The following ZBED3 variants were observed in gnomAD, a reference collection of about 807,000 sequenced individuals.
ZBED3 encodes the protein zinc finger BED-type containing 3.
For synonymous variants in ZBED3, 175 were observed against 180.0 expected, an observed-to-expected ratio of 0.97 and a Z score of 0.22; for missense variants, 388 against 362.9, an observed-to-expected ratio of 1.07 and a Z score of -0.56.
At position 77,075,969 on chromosome 5, in the gene ZBED3, A is replaced by ATATG. The variant is rs56726880; in HGVS notation, c.*1201_*1204dup. 87 of 20,144 alleles carry ATATG rather than the reference A, an allele frequency of 4.3e-3. 20 individuals are homozygous for ATATG. Among genetic ancestry groups the ATATG allele is most frequent in the East Asian group, 0.028 (36 of 1,278 alleles). 1.2% of individuals were successfully genotyped at this position (20,144 alleles called of 1,614,324 possible). On this transcript the variant is annotated 3_prime_UTR_variant, in exon 3 of 3. Transcript: ENST00000255198. ...CATATATATATATATATATATATGT[A>ATATG]TATGTATATATGTATATATATATGT...
intron 1 of ZBED3, among the ~76,000 whole-genome samples, chr5:77,082,020 A>G (rs1743138242): frequency 6.6e-6 from 1 of 152,104 alleles, no homozygotes; most frequent in Admixed American, 6.5e-5. Flanking sequence ...TAATCCCAAC[A>G]CTTTGGGAGT....
rs1743011133 is a variant in ZBED3 at position 77,076,691 on chromosome 5, T to TC, written c.*482_*483insG. 2.8e-4 allele frequency: 3 copies of TC among 10,648 alleles called. No individual in the cohort carries two copies. Among genetic ancestry groups the TC allele is most frequent in the African/African-American group, 5.7e-4 (3 of 5,260 alleles). The allele number at this position is 10,648 out of a possible 1,614,324, so 0.7% of individuals were successfully genotyped here. ...TGGGCAGATTATGCATTAGGAACTC[T>TC]TTTTTTTTTTTTTTTGGGTAAAAAG... On this transcript the variant is annotated 3_prime_UTR_variant, in exon 3 of 3. Coordinates refer to ENST00000255198, the MANE Select transcript of ZBED3 (RefSeq NM_032367.4).
At chr5:77,079,427 C>A (rs1057021922) in intron 1 of ZBED3, 2 of 152,216 alleles carry the variant, frequency 1.3e-5, no homozygotes, top group African/African-American at 4.8e-5. Context: ...GCTATAGTTA[C>A]AGTAGCATTT....
rs991828541 is a variant in ZBED3, at chr5:77,075,471, A to C, written c.*1703T>G. On this transcript the variant is annotated 3_prime_UTR_variant, in exon 3 of 3. Transcript: ENST00000255198. ...GAAGTTACTGTTTATATTTTTAGGC[A>C]TGATCATCTTAATGTAATCATGTAG... 2.6e-5 allele frequency: 4 copies of C among 152,200 alleles called. No individual in the cohort carries two copies. The highest frequency in any genetic ancestry group is 5.9e-5 in the Non-Finnish European group (4 of 68,038). 9.4% of individuals were successfully genotyped at this position (152,200 alleles called of 1,614,324 possible).
chr5:77,076,001 GTATA>G lies in ZBED3; in HGVS notation c.*1169_*1172del, dbSNP rs367997546. On this transcript the variant is annotated 3_prime_UTR_variant, in exon 3 of 3. Transcript: ENST00000255198. ...TATATGTATATATATATGTATATAT[GTATA>G]TATATATGTATATATGTATATATAT... The G allele has an allele frequency of 0.27, 8,645 of 32,100 alleles. 2,844 individuals are homozygous for G. The highest frequency in any genetic ancestry group is 0.34 in the Non-Finnish European group (5,775 of 17,004). 2.0% of individuals were successfully genotyped at this position (32,100 alleles called of 1,614,324 possible). A position where few individuals can be genotyped will look rare whatever the true frequency, so the allele number is the denominator to read the frequency against.
In ZBED3 at chr5:77,076,183, A is replaced by T. The variant is rs1743000392; in HGVS notation, c.*991T>A. The T allele has an allele frequency of 6.6e-6, 1 of 150,614 alleles. No individual in the cohort carries two copies. The highest frequency in any genetic ancestry group is 2.4e-5 in the African/African-American group (1 of 40,848). The allele number at this position is 150,614 out of a possible 1,614,324, so 9.3% of individuals were successfully genotyped here. Reference sequence around the variant, plus strand: ...GGGTTAAGTCTTTCTTTTCAGTAAGAAAGGGAGACTGCACATTGCTGAGGA... The same window carrying T: ...GGGTTAAGTCTTTCTTTTCAGTAAGTAAGGGAGACTGCACATTGCTGAGGA... On this transcript the variant is annotated 3_prime_UTR_variant, in exon 3 of 3. Transcript: ENST00000255198.
In ZBED3 at chr5:77,077,880, C is replaced by T. The variant is rs762508530; in HGVS notation, c.-2G>A. On this transcript the variant is annotated 5_prime_UTR_variant, in exon 3 of 3. Coordinates refer to ENST00000255198, the MANE Select transcript of ZBED3 (RefSeq NM_032367.4). The stretch of plus-strand genomic sequence containing the variant: ...GCAGGCCGGCTCGCCACTCCTCATT[C>T]TGCGGCGCCCGCACGCTGGGGAGCA... 3 of 1,255,050 alleles carry T rather than the reference C, an allele frequency of 2.4e-6. No homozygotes were observed. Among genetic ancestry groups the T allele is most frequent in the Non-Finnish European group, 3.0e-6 (3 of 1,002,406 alleles). 77.7% of individuals were successfully genotyped at this position (1,255,050 alleles called of 1,614,324 possible).
chr5:77,080,548 C>T (rs1743107560), intron 1 of ZBED3: 1 of 519,144 alleles, frequency 1.9e-6, no homozygotes, highest in Admixed American at 1.9e-5. Flanking sequence ...CGGGGCAAAA[C>T]TGCCTCACCT....
intron 1 of ZBED3, chr5:77,080,325 C>CGA: frequency 2.5e-5 from 10 of 405,384 alleles, no homozygotes; most frequent in South Asian, 1.9e-4. Context: ...CAGGTGAATG[C>CGA]CATCTGTTAG....
chr5:77,072,219 A>C lies in ZBED3; in HGVS notation c.*4955T>G, dbSNP rs1350039516. On this transcript the variant is annotated 3_prime_UTR_variant, in exon 3 of 3. Coordinates refer to ENST00000255198, the MANE Select transcript of ZBED3 (RefSeq NM_032367.4). ...CTGAATTCATTCACATCATAAACCA[A>C]CTAAAATGGGCTTTAATCTGTATGG... 6.6e-6 allele frequency: 1 copy of C among 152,204 alleles called. No homozygotes were observed. Among genetic ancestry groups the C allele is most frequent in the Non-Finnish European group, 1.5e-5 (1 of 68,036 alleles). The allele number at this position is 152,204 out of a possible 1,614,324, so 9.4% of individuals were successfully genotyped here.
At chr5:77,085,237 G>T (rs1231602046) in intron 1 of ZBED3, among the ~76,000 whole-genome samples, 1 of 152,142 alleles carries the variant, frequency 6.6e-6, no homozygotes, top group Non-Finnish European at 1.5e-5. Context: ...AAAGAATAAA[G>T]GAAGAGATCA....
At chr5:77,084,510 A>T (rs1239996360) in intron 1 of ZBED3, among the ~76,000 whole-genome samples, 1 of 152,164 alleles carries the variant, frequency 6.6e-6, no homozygotes, top group African/African-American at 2.4e-5. Flanking sequence ...GCCACGTGGA[A>T]CTTTAAGTCC....
intron 1 of ZBED3, among the ~76,000 whole-genome samples, chr5:77,082,776 G>A (rs534695768): frequency 3.4e-4 from 52 of 152,280 alleles, no homozygotes; most frequent in African/African-American, 9.1e-4. Flanking sequence ...ATGTGATCAC[G>A]TGTATACATT....
At chr5:77,080,596 A>C in intron 1 of ZBED3, 1 of 519,236 alleles carries the variant, frequency 1.9e-6, no homozygotes, top group South Asian at 1.4e-5. Flanking sequence ...ATTCTAGCTC[A>C]ATACAATCCT....
Position 77,073,874 on chromosome 5 carries a change from G to A in ZBED3, c.*3300C>T, listed in dbSNP as rs1480174448. ...CACAAGGGCTCAGGGTCAGGCAGGG[G>A]AGGTGAGATAAAAACCCACAGCCAT... On this transcript the variant is annotated 3_prime_UTR_variant, in exon 3 of 3. Transcript: ENST00000255198. 6.6e-6 allele frequency: 1 copy of A among 152,218 alleles called. No homozygotes were observed. The highest frequency in any genetic ancestry group is 1.5e-5 in the Non-Finnish European group (1 of 68,066). The allele number at this position is 152,218 out of a possible 1,614,324, so 9.4% of individuals were successfully genotyped here. A position where few individuals can be genotyped will look rare whatever the true frequency, so the allele number is the denominator to read the frequency against.
In ZBED3 at chr5:77,075,117, C is replaced by T. The variant is rs980831347; in HGVS notation, c.*2057G>A. On this transcript the variant is annotated 3_prime_UTR_variant, in exon 3 of 3. Transcript: ENST00000255198. The stretch of plus-strand genomic sequence containing the variant: ...TTTCTCCAGGCCCGGGGAGAACACT[C>T]GGCCTGGAGATATTCAGGAGTCCCT... 6.6e-6 allele frequency: 1 copy of T among 152,122 alleles called. No individual in the cohort carries two copies. The highest frequency in any genetic ancestry group is 1.5e-5 in the Non-Finnish European group (1 of 68,064). 9.4% of individuals were successfully genotyped at this position (152,122 alleles called of 1,614,324 possible).
At position 77,075,983 on chromosome 5, in the gene ZBED3, A is replaced by ATATATGTATATATG. The variant is rs1742980283; in HGVS notation, c.*1190_*1191insCATATATACATATA. 1 of 39,256 alleles carries ATATATGTATATATG rather than the reference A, an allele frequency of 2.5e-5. No individual in the cohort carries two copies. Among genetic ancestry groups the ATATATGTATATATG allele is most frequent in the Non-Finnish European group, 5.1e-5 (1 of 19,564 alleles). 2.4% of individuals were successfully genotyped at this position (39,256 alleles called of 1,614,324 possible). A position where few individuals can be genotyped will look rare whatever the true frequency, so the allele number is the denominator to read the frequency against. On this transcript the variant is annotated 3_prime_UTR_variant, in exon 3 of 3. Transcript: ENST00000255198. ...TATATATATGTATATGTATATATGTATATATATATGTATATATGTATATAT... is the reference window on the plus strand; with the variant it reads ...TATATATATGTATATGTATATATGTATATATGTATATATGTATATATATGTATATATGTATATAT...
In ZBED3 at chr5:77,077,732, C is replaced by A; in HGVS notation, c.147G>T (p.Trp49Cys). ...GCCCCGGCGCCAGGTGGAAGTAGCC[C>A]CAGGCCTCGGAGTATGGCGCCCCCA... ...GRLGAPYSEA[W>C]GYFHLAPGRP... The change falls in exon 3 of 3, where the codon TGG becomes TGT. Residue 49 changes from tryptophan (W) to cysteine (C), a missense_variant. Physicochemically the swap from Trp to Cys is radical, Grantham distance 215. Coordinates refer to ENST00000255198, the MANE Select transcript of ZBED3 (RefSeq NM_032367.4). The A allele has an allele frequency of 7.4e-7, 1 of 1,354,876 alleles. No individual in the cohort carries two copies. 83.9% of individuals were successfully genotyped at this position (1,354,876 alleles called of 1,614,324 possible). A position where few individuals can be genotyped will look rare whatever the true frequency, so the allele number is the denominator to read the frequency against.
In ZBED3 at chr5:77,077,777, C is replaced by T. The variant is rs1204634548; in HGVS notation, c.102G>A (p.Thr34=). The change falls in exon 3 of 3, where the codon ACG becomes ACA. Residue 34 remains threonine, a synonymous_variant. Coordinates refer to ENST00000255198, the MANE Select transcript of ZBED3 (RefSeq NM_032367.4). ...CCCCCAGGCGGCCGGGAGGCGTCGG[C>T]GTCGGCGCCGGCCCCAGTCCCGGAC... ...GQCPGLGPAP[T]PTPPGRLGAP... The T allele has an allele frequency of 7.6e-7, 1 of 1,314,202 alleles. No homozygotes were observed. Among genetic ancestry groups the T allele is most frequent in the Non-Finnish European group, 9.7e-7 (1 of 1,035,566 alleles). 81.4% of individuals were successfully genotyped at this position (1,314,202 alleles called of 1,614,324 possible). A position where few individuals can be genotyped will look rare whatever the true frequency, so the allele number is the denominator to read the frequency against.
Sources: allele counts gnomAD v4.1 joint callset (sites outside exome capture counted in the v4.1 genomes callset), GRCh38; gene constraint gnomAD v4.1.1; transcripts MANE v1.5; gene names NCBI Gene and HGNC (gene_info 2026-07-23, HGNC 2026-07-21).